ZCRB1: variants seen among roughly 807,000 people sequenced by gnomAD.
The protein encoded by ZCRB1 is zinc finger CCHC-type and RNA binding motif containing 1, also known as zinc finger CCHC-type and RNA-binding motif-containing protein 1.
A neutral mutation model predicts 29.9 loss-of-function variants in ZCRB1; 21 were observed. The ratio of observed to expected loss-of-function variants is 0.70; its 90% CI spans 0.50 to 1.01. The LOEUF (loss-of-function observed/expected upper bound fraction) is 1.01. ZCRB1 is among the 50% of genes least tolerant of loss of function. ZCRB1 has a pLI of 0.00. For synonymous variants in ZCRB1, 77 were observed against 80.0 expected (o/e 0.96, Z 0.20); for missense variants, 204 against 253.3 (o/e 0.81, Z 1.32).
chr12:42,317,742 T>C, intron 4 of ZCRB1, 45 bp downstream of exon 4: 1 of 1,574,790 alleles, frequency 6.4e-7, no homozygotes, highest in Non-Finnish European at 8.7e-7. Context: ...TGGATGAGCA[T>C]AAAGGCTTTG....
intron 2 of ZCRB1, 47 bp from the exon 3 acceptor site, chr12:42,322,493 A>G: frequency 7.0e-7 from 1 of 1,435,340 alleles, no homozygotes; most frequent in South Asian, 1.3e-5. Context: ...AAATCATAAA[A>G]CATCAAATTT....
chr12:42,313,616 G>GATC (rs1266903053), intron 7 of ZCRB1, 74 bp downstream of exon 7: 3 of 1,495,396 alleles, frequency 2.0e-6, no homozygotes, highest in Non-Finnish European at 1.8e-6. Flanking sequence ...GCCATGAGGT[G>GATC]ATCAATGAAG....
At chr12:42,320,893 T>G (rs2068618008) in intron 3 of ZCRB1, among the ~76,000 whole-genome samples, 2 of 152,234 alleles carry the variant, frequency 1.3e-5, no homozygotes, top group South Asian at 4.1e-4. Flanking sequence ...CTTGGTAACC[T>G]GACCAAGAAG....
At chr12:42,314,045 A>T in intron 5 of ZCRB1, 59 bp from the exon 6 acceptor site, 1 of 1,540,428 alleles carries the variant, frequency 6.5e-7, no homozygotes, top group Non-Finnish European at 8.7e-7. Flanking sequence ...ATTTATAAAA[A>T]CTTGCCTGGT....
intron 2 of ZCRB1, 143 bp from the exon 3 acceptor site, chr12:42,322,589 GT>G (rs1223433897): frequency 9.8e-5 from 72 of 731,698 alleles, no homozygotes; most frequent in Non-Finnish European, 1.2e-4. Context: ...CTAGGAAAAA[GT>G]TTTTTTTGGT....
chr12:42,314,276 T>A (rs2068583670), intron 5 of ZCRB1, among the ~76,000 whole-genome samples: 1 of 151,512 alleles, frequency 6.6e-6, no homozygotes. Context: ...ATAAAACAGT[T>A]TGGTCGGGCG....
At position 42,317,368 on chromosome 12, in the gene ZCRB1, AAG is replaced by A; in HGVS notation, c.303_304del (p.Phe102Ter). On this transcript the variant is annotated frameshift_variant, in exon 5 of 8. Transcript: ENST00000266529. LOFTEE classifies it high-confidence loss of function. ...ACATTCATAACACTTAGATTTATCA[AAG>A]TAGTTTCGCCTTCGGATGAACTCAG... 6.2e-7 allele frequency: 1 copy of A among 1,612,556 alleles called. No individual in the cohort carries two copies. The highest frequency in any genetic ancestry group is 1.1e-5 in the South Asian group (1 of 90,702).
At chr12:42,323,929 A>G in intron 2 of ZCRB1, 90 bp downstream of exon 2, 1 of 1,256,220 alleles carries the variant, frequency 8.0e-7, no homozygotes, top group Non-Finnish European at 1.1e-6. Context: ...AAAGAAAAAA[A>G]AAAAAAGGAA....
chr12:42,320,365 T>A (rs1447330859), intron 3 of ZCRB1, among the ~76,000 whole-genome samples: 1 of 152,188 alleles, frequency 6.6e-6, no homozygotes, highest in Non-Finnish European at 1.5e-5. Context: ...CCAGTCTCTA[T>A]ATCTCCACCT....
At chr12:42,315,472 T>G (rs564118728) in intron 5 of ZCRB1, among the ~76,000 whole-genome samples, 1 of 151,982 alleles carries the variant, frequency 6.6e-6, no homozygotes, top group Non-Finnish European at 1.5e-5. Flanking sequence ...GCTGAGAAAA[T>G]AGAGACACAT....
chr12:42,318,009 C>T, intron 3 of ZCRB1, 111 bp from the exon 4 acceptor site: 1 of 804,682 alleles, frequency 1.2e-6, no homozygotes, highest in Non-Finnish European at 1.9e-6. Flanking sequence ...TAAATTAATA[C>T]ATTTGAAAAA....
Position 42,312,728 on chromosome 12 carries a change from G to T in ZCRB1, c.*339C>A. Reference sequence around the variant, plus strand: ...GGTATTTACAATTTATCCAGATTGGGATAAAGCTACAAGAAATATGATGAC... The same window carrying T: ...GGTATTTACAATTTATCCAGATTGGTATAAAGCTACAAGAAATATGATGAC... On this transcript the variant is annotated 3_prime_UTR_variant, in exon 8 of 8. Coordinates refer to ENST00000266529, the MANE Select transcript of ZCRB1 (RefSeq NM_033114.4). 1 of 156,158 alleles carries T rather than the reference G, an allele frequency of 6.4e-6. No individual in the cohort carries two copies. The highest frequency in any genetic ancestry group is 1.4e-5 in the Non-Finnish European group (1 of 70,882). The allele number at this position is 156,158 out of a possible 1,614,324, so 9.7% of individuals were successfully genotyped here.
Position 42,320,718 on chromosome 12 carries a change from G to A in ZCRB1, c.113+1700C>T, listed in dbSNP as rs145335745. Among the ~76,000 whole-genome samples, 703 of 152,240 alleles carry A rather than the reference G, an allele frequency of 4.6e-3. 7 individuals carry two copies. Among genetic ancestry groups the A allele is most frequent in the Non-Finnish European group, 7.4e-3 (500 of 68,026 alleles). ...TCCCACATCGGCTTCCCAAAGTGCT[G>A]GGATTACAGGTGTGTGCCACTGCAC... On this transcript the variant is annotated intron_variant, in intron 3 of 7. Coordinates refer to ENST00000266529, the MANE Select transcript of ZCRB1 (RefSeq NM_033114.4).
intron 3 of ZCRB1, among the ~76,000 whole-genome samples, chr12:42,320,875 C>T (rs1213975795): frequency 6.6e-6 from 1 of 152,206 alleles, no homozygotes; most frequent in African/African-American, 2.4e-5. Context: ...AGAATGAAAA[C>T]CAAATACCTT....
chr12:42,314,931 A>G (rs1214519954), intron 5 of ZCRB1, among the ~76,000 whole-genome samples: 1 of 152,226 alleles, frequency 6.6e-6, no homozygotes, highest in Non-Finnish European at 1.5e-5. Context: ...CAGCCTAGGC[A>G]ACAGAGCAAG....
intron 5 of ZCRB1, among the ~76,000 whole-genome samples, chr12:42,314,969 C>A (rs945156722): frequency 1.3e-5 from 2 of 152,080 alleles, no homozygotes; most frequent in African/African-American, 4.8e-5. Flanking sequence ...AAACAAAAAA[C>A]CAAAAAACAA....
In ZCRB1 at chr12:42,313,098, T is replaced by C; in HGVS notation, c.623A>G (p.Tyr208Cys). 1 of 1,611,006 alleles carries C rather than the reference T, an allele frequency of 6.2e-7. No homozygotes were observed. The highest frequency in any genetic ancestry group is 2.2e-5 in the East Asian group (1 of 44,796). The change falls in exon 8 of 8, where the codon TAT becomes TGT. Residue 208 changes from tyrosine (Y) to cysteine (C), a missense_variant. By Grantham distance (194) the Tyr-to-Cys change is radical (BLOSUM62 -2). Coordinates refer to ENST00000266529, the MANE Select transcript of ZCRB1 (RefSeq NM_033114.4). The stretch of plus-strand genomic sequence containing the variant: ...ACTAAGTTCTTCCTCATCACTGAAA[T>C]ATGTGCTTTTCTTTATCCTTGGGCG... ...SRRPRIKKST[Y>C]FSDEEELSD
chr12:42,317,039 T>G (rs1347131925), intron 5 of ZCRB1, among the ~76,000 whole-genome samples: 1 of 152,028 alleles, frequency 6.6e-6, no homozygotes, highest in Non-Finnish European at 1.5e-5. Flanking sequence ...AGACCCTGCC[T>G]CTACAAAAAA....
Position 42,322,835 on chromosome 12 carries a change from A to G in ZCRB1, c.85-389T>C, listed in dbSNP as rs1010875839. Among the ~76,000 whole-genome samples, 4 of 152,308 alleles carry G rather than the reference A, an allele frequency of 2.6e-5. No individual in the cohort carries two copies. In the South Asian group the frequency reaches 8.3e-4, roughly 32 times the overall value. On this transcript the variant is annotated intron_variant, in intron 2 of 7. Transcript: ENST00000266529. Reference sequence around the variant, plus strand: ...AATCTTATGGAGCAGCACTTTTCCAATTCTACCCTCACCACTACCTTGTTA... The same window carrying G: ...AATCTTATGGAGCAGCACTTTTCCAGTTCTACCCTCACCACTACCTTGTTA...
Sources: gnomAD v4.1 joint callset for allele counts (sites outside exome capture counted in the v4.1 genomes callset) on GRCh38, gnomAD v4.1.1 for gene constraint, MANE v1.5 for transcripts, NCBI Gene and HGNC (gene_info 2026-07-23, HGNC 2026-07-21) for gene names.